Variants in COMMD9 observed in about 807,000 individuals in gnomAD.
COMMD9 encodes COMM domain containing 9.
In COMMD9, 22 loss-of-function variants were observed where a neutral mutation model predicts 23.4. The observed-to-expected ratio is 0.94, with a 90% CI of 0.67 to 1.34. The LOEUF (loss-of-function observed/expected upper bound fraction) is 1.34. Ranked by LOEUF, COMMD9 falls within the 40% of genes most tolerant of loss-of-function variation. COMMD9 has a pLI of 0.00. For missense variants in COMMD9, 231 were observed against 240.2 expected, an observed-to-expected ratio of 0.96 and a Z score of 0.25; for synonymous variants, 99 against 97.4, an observed-to-expected ratio of 1.02 and a Z score of -0.10.
chr11:36,281,358 A>G (rs1304960422), intron 1 of COMMD9, among the ~76,000 whole-genome samples: 1 of 152,218 alleles, frequency 6.6e-6, no homozygotes, highest in Non-Finnish European at 1.5e-5. Context: ...CTATGTCAAC[A>G]AAGGCTGAGT....
Position 36,289,394 on chromosome 11 carries a change from C to A in COMMD9, c.19G>T (p.Glu7Ter), listed in dbSNP as rs1225506506. Residue 7 changes from glutamate to a stop codon, truncating the protein, a stop_gained, in exon 1 of 6, where the codon GAG becomes TAG. Transcript: ENST00000263401. LOFTEE classifies it high-confidence loss of function. MAALTA[E>*]HFAALQSLLK... Reference sequence around the variant, plus strand: ...AGGCTCTGGAGTGCTGCAAAATGCTCCGCTGTCAGGGCAGCCATCTTGCCG... The same window carrying A: ...AGGCTCTGGAGTGCTGCAAAATGCTACGCTGTCAGGGCAGCCATCTTGCCG... The A allele has an allele frequency of 6.4e-7, 1 of 1,552,122 alleles. No individual in the cohort carries two copies. Among genetic ancestry groups the A allele is most frequent in the South Asian group, 1.2e-5 (1 of 84,058 alleles).
intron 3 of COMMD9, 54 bp from the exon 4 acceptor site, chr11:36,277,177 T>C: frequency 7.2e-7 from 1 of 1,389,798 alleles, no homozygotes; most frequent in Non-Finnish European, 9.9e-7. Flanking sequence ...TGAGACTGAC[T>C]CTTCTGATAG....
chr11:36,276,034 T>TA (rs145255526), intron 5 of COMMD9, 103 bp downstream of exon 5: 10 of 788,674 alleles, frequency 1.3e-5, no homozygotes, highest in East Asian at 2.6e-5. Flanking sequence ...GATGGTAATT[T>TA]AAAAAAATAT....
chr11:36,283,957 T>G (rs566288579), intron 1 of COMMD9, among the ~76,000 whole-genome samples: 2 of 152,108 alleles, frequency 1.3e-5, no homozygotes, highest in South Asian at 2.1e-4. Context: ...AATATAAAAA[T>G]TAGCCAGGCA....
intron 5 of COMMD9, among the ~76,000 whole-genome samples, chr11:36,275,278 G>A (rs1855950688): frequency 6.6e-6 from 1 of 152,192 alleles, no homozygotes; most frequent in South Asian, 2.1e-4. Flanking sequence ...GTCTGGTTAT[G>A]TAGATACAGC....
At chr11:36,276,107 T>G in intron 5 of COMMD9, 30 bp downstream of exon 5, 1 of 1,539,298 alleles carries the variant, frequency 6.5e-7, no homozygotes, top group Non-Finnish European at 9.0e-7. Context: ...GTGCTGCCTC[T>G]TCTTTCTAAT....
At chr11:36,277,192 G>C (rs553371240) in intron 3 of COMMD9, 69 bp from the exon 4 acceptor site, 2 of 1,222,536 alleles carry the variant, frequency 1.6e-6, no homozygotes, top group African/African-American at 1.5e-5. Context: ...TGATAGAGAG[G>C]GGAACTGGCC....
Position 36,287,111 on chromosome 11 carries a change from T to C in COMMD9, c.51+2251A>G, listed in dbSNP as rs527481418. The stretch of plus-strand genomic sequence containing the variant: ...ACTACATACTATGTATATCGCGTAG[T>C]ATGTATACTACATACTATGTATATC... On this transcript the variant is annotated intron_variant, in intron 1 of 5. Transcript: ENST00000263401. Among the ~76,000 whole-genome samples, 858 of 101,290 alleles carry C rather than the reference T, an allele frequency of 8.5e-3. 153 individuals are homozygous for C. Among genetic ancestry groups the C allele is most frequent in the East Asian group, 0.05 (159 of 3,158 alleles). The allele number at this position is 101,290 out of a possible 152,430, so 66.5% of individuals were successfully genotyped here. A position where few individuals can be genotyped will look rare whatever the true frequency, so the allele number is the denominator to read the frequency against.
chr11:36,276,195 T>G lies in COMMD9; in HGVS notation c.398A>C (p.Lys133Thr). Residue 133 changes from lysine to threonine, a missense_variant, in exon 5 of 6, where the codon AAA (lysine) becomes ACA (threonine). By Grantham distance (78) the Lys-to-Thr change is moderately conservative. Coordinates refer to ENST00000263401, the MANE Select transcript of COMMD9 (RefSeq NM_014186.4). ...GCGGCTGATGCTGTCTGAGGAGGTT[T>G]TGATATCCACTCTCCAGTCCAGATC... ...LVDLDWRVDI[K>T]TSSDSISRMA... is the part of the protein sequence containing the mutation. 1 of 1,614,132 alleles carries G rather than the reference T, an allele frequency of 6.2e-7. No homozygotes were observed. Among genetic ancestry groups the G allele is most frequent in the Non-Finnish European group, 8.5e-7 (1 of 1,180,016 alleles).
At chr11:36,288,790 A>C (rs115618335) in intron 1 of COMMD9, among the ~76,000 whole-genome samples, 171 of 152,200 alleles carry the variant, frequency 1.1e-3, no homozygotes, top group African/African-American at 3.9e-3. Flanking sequence ...ACAGAGCTAG[A>C]CTCCGTCTCA....
rs574436494 is a variant in COMMD9 at position 36,274,997 on chromosome 11, G to C, written c.457-225C>G. 5.9e-5 allele frequency among the ~76,000 whole-genome samples: 9 copies of C among 152,252 alleles called. No homozygotes were observed. In the East Asian group the frequency reaches 1.4e-3, roughly 23 times the overall value. Reference sequence around the variant, plus strand: ...GTCTCCATTTGCAACAAGTGCCTTGGGTAGGTATCAAAGAAGGCCAAGCCA... The same window carrying C: ...GTCTCCATTTGCAACAAGTGCCTTGCGTAGGTATCAAAGAAGGCCAAGCCA... On this transcript the variant is annotated intron_variant, in intron 5 of 5. Transcript: ENST00000263401.
At chr11:36,275,487 A>G (rs952525281) in intron 5 of COMMD9, among the ~76,000 whole-genome samples, 1 of 148,632 alleles carries the variant, frequency 6.7e-6, no homozygotes. Flanking sequence ...CTCTTTCACC[A>G]GGTGGGAGTG....
intron 5 of COMMD9, among the ~76,000 whole-genome samples, chr11:36,275,140 T>C (rs1020269489): frequency 3.3e-5 from 5 of 152,248 alleles, no homozygotes; most frequent in African/African-American, 7.2e-5. Flanking sequence ...CAATCCTGCA[T>C]TGGGATGCAG....
At chr11:36,282,257 C>T (rs957890774) in intron 1 of COMMD9, among the ~76,000 whole-genome samples, 1 of 152,074 alleles carries the variant, frequency 6.6e-6, no homozygotes, top group Non-Finnish European at 1.5e-5. Flanking sequence ...TAGCTCAAAA[C>T]TTCTCAAGTT....
chr11:36,276,603 AT>A (rs1748677569), intron 4 of COMMD9: 1 of 227,520 alleles, frequency 4.4e-6, no homozygotes, highest in African/African-American at 2.2e-5. Flanking sequence ...TGTTTTAGAG[AT>A]AAATGGACTT....
intron 5 of COMMD9, 78 bp from the exon 6 acceptor site, chr11:36,274,850 G>A: frequency 1.9e-6 from 3 of 1,558,496 alleles, no homozygotes; most frequent in Non-Finnish European, 2.6e-6. Flanking sequence ...GAACCTGCGA[G>A]GCTGAGCTCA....
At chr11:36,275,115 G>C (rs1393325270) in intron 5 of COMMD9, among the ~76,000 whole-genome samples, 1 of 152,214 alleles carries the variant, frequency 6.6e-6, no homozygotes, top group Non-Finnish European at 1.5e-5. Flanking sequence ...AGCAGGTTCT[G>C]TTGGATACTT....
Position 36,274,222 on chromosome 11 carries a change from G to T in COMMD9, c.*410C>A, listed in dbSNP as rs552625646. ...ATCACCTGTCCGATTCCCTCCATGT[G>T]TTCTGGGATTGGAAATGAACTAATT... On this transcript the variant is annotated 3_prime_UTR_variant, in exon 6 of 6. Coordinates refer to ENST00000263401, the MANE Select transcript of COMMD9 (RefSeq NM_014186.4). The T allele has an allele frequency of 2.2e-6, 1 of 458,068 alleles. No individual in the cohort carries two copies. Among genetic ancestry groups the T allele is most frequent in the Non-Finnish European group, 4.4e-6 (1 of 228,298 alleles). The allele number at this position is 458,068 out of a possible 1,614,324, so 28.4% of individuals were successfully genotyped here. A position where few individuals can be genotyped will look rare whatever the true frequency, so the allele number is the denominator to read the frequency against.
At chr11:36,276,966 A>C (rs763807602) in intron 4 of COMMD9, 123 bp downstream of exon 4, 7 of 682,502 alleles carry the variant, frequency 1.0e-5, no homozygotes, top group African/African-American at 1.8e-5. Flanking sequence ...CCATACACAG[A>C]GTATGGGTTG....
Sources: gnomAD v4.1 joint callset for allele counts (sites outside exome capture counted in the v4.1 genomes callset) on GRCh38, gnomAD v4.1.1 for gene constraint, MANE v1.5 for transcripts, NCBI Gene and HGNC (gene_info 2026-07-23, HGNC 2026-07-21) for gene names.